The following ACADS variants were observed in gnomAD, a reference collection of about 807,000 sequenced individuals.
ACADS encodes the protein short-chain specific acyl-CoA dehydrogenase, mitochondrial.
A neutral mutation model predicts 46.8 loss-of-function variants in ACADS; 28 were observed. That is an observed-to-expected ratio of 0.60 (90% CI 0.44 to 0.82). ACADS has a LOEUF of 0.82. Ranked by LOEUF, ACADS falls within the 40% of genes least tolerant of loss-of-function variation. The pLI, the probability that ACADS is intolerant of heterozygous loss-of-function variation, is 0.00. For missense variants in ACADS, 528 were observed against 578.0 expected (o/e 0.91, Z 0.89); for synonymous variants, 236 against 237.7 (o/e 0.99, Z 0.07).
intron 5 of ACADS, 76 bp from the exon 6 acceptor site, chr12:120,738,204 G>T (rs780473466): frequency 6.2e-7 from 1 of 1,609,536 alleles, no homozygotes; most frequent in Non-Finnish European, 8.5e-7. Context: ...GAGGGGACCG[G>T]GTTGGTGTTG....
intron 2 of ACADS, among the ~76,000 whole-genome samples, chr12:120,729,982 T>C (rs901296017): frequency 6.6e-6 from 1 of 152,168 alleles, no homozygotes; most frequent in Non-Finnish European, 1.5e-5. Flanking sequence ...CTTTATTTTT[T>C]AAATTATTTT....
intron 2 of ACADS, among the ~76,000 whole-genome samples, chr12:120,734,117 G>T (rs1184892449): frequency 2.0e-5 from 3 of 152,166 alleles, no homozygotes; most frequent in Non-Finnish European, 2.9e-5. Context: ...GTCTGTGTCT[G>T]TCTTTGCCTT....
chr12:120,734,912 T>C (rs2136946232), intron 2 of ACADS, among the ~76,000 whole-genome samples: 2 of 150,752 alleles, frequency 1.3e-5, no homozygotes, highest in East Asian at 4.1e-4. Flanking sequence ...CCACCATGCC[T>C]GGCTAGTTTT....
chr12:120,738,643 G>C lies in ACADS; in HGVS notation c.906G>C (p.Ala302=), dbSNP rs763162492. The C allele has an allele frequency of 6.2e-7, 1 of 1,612,642 alleles. No homozygotes were observed. The highest frequency in any genetic ancestry group is 1.3e-5 in the African/African-American group (1 of 75,070). The change falls in exon 7 of 10, where the codon GCG becomes GCC. Residue 302 remains alanine (A), a synonymous_variant. Transcript: ENST00000242592. ...CTGAGAATCGCATGGCCTTCGGGGCGCCCCTCACCAAGCTCCAGGTCATCC... is the reference window on the plus strand; with the variant it reads ...CTGAGAATCGCATGGCCTTCGGGGCCCCCCTCACCAAGCTCCAGGTCATCC... ...NYAENRMAFG[A]PLTKLQVIQF... is the part of the protein sequence containing the mutation.
Position 120,725,906 on chromosome 12 carries a change from C to CCGGGCCT in ACADS, c.28_34dup (p.Pro12LeufsTer11). The stretch of plus-strand genomic sequence containing the variant: ...CGCCCATGGCCGCCGCGCTGCTCGC[C>CCGGGCCT]CGGGCCTCGGGCCCTGCCCGCAGAG... On this transcript the variant is annotated frameshift_variant, in exon 1 of 10. Coordinates refer to ENST00000242592, the MANE Select transcript of ACADS (RefSeq NM_000017.4). LOFTEE classifies it high-confidence loss of function. 6.4e-7 allele frequency: 1 copy of CCGGGCCT among 1,557,354 alleles called. No homozygotes were observed. Among genetic ancestry groups the CCGGGCCT allele is most frequent in the Non-Finnish European group, 8.6e-7 (1 of 1,160,958 alleles).
chr12:120,727,034 C>T lies in ACADS; in HGVS notation c.55C>T (p.Pro19Ser). The T allele has an allele frequency of 6.2e-7, 1 of 1,614,174 alleles. No homozygotes were observed. The highest frequency in any genetic ancestry group is 8.5e-7 in the Non-Finnish European group (1 of 1,180,028). Residue 19 changes from proline (P) to serine (S), a missense_variant, in exon 2 of 10, where the codon CCT (proline) becomes TCT (serine). Transcript: ENST00000242592. ...TCTGCCCTTGCCGGCAGCTCTCTGT[C>T]CTAGGGCCTGGCGGCAGTTACACAC... Reference protein sequence around the residue: ...ASGPARRALCPRAWRQLHTIY... With the variant: ...ASGPARRALCSRAWRQLHTIY...
At chr12:120,736,129 A>G (rs708783) in intron 2 of ACADS, among the ~76,000 whole-genome samples, 89,987 of 151,696 alleles carry the variant, frequency 0.59, 29,506 homozygotes, top group African/African-American at 0.89. Context: ...ACTCACCTGA[A>G]AGTAATAATA....
chr12:120,738,562 C>T lies in ACADS; in HGVS notation c.825C>T (p.Ile275=), dbSNP rs200652158. 56 of 1,611,642 alleles carry T rather than the reference C, an allele frequency of 3.5e-5. No individual in the cohort carries two copies. In the Admixed American group the frequency reaches 5.3e-4, roughly 15 times the overall value. ...CCCTGGACATGGGCCGCATCGGCAT[C>T]GCCTCCCAGGCCCTGGGCATTGCCC... ...MQTLDMGRIG[I]ASQALGIAQT... is the part of the protein sequence containing the mutation. Residue 275 remains isoleucine (I), a synonymous_variant, in exon 7 of 10, where the codon ATC becomes ATT. Transcript: ENST00000242592.
Position 120,738,921 on chromosome 12 carries a change from C to T in ACADS, c.1029+6C>T. The T allele has an allele frequency of 1.2e-6, 2 of 1,613,366 alleles. No individual in the cohort carries two copies. The highest frequency in any genetic ancestry group is 4.5e-5 in the East Asian group (2 of 44,882). On this transcript the variant is annotated splice_donor_region_variant and intron_variant, in intron 8 of 9. Transcript: ENST00000242592. Reference sequence around the variant, plus strand: ...ACAAGAAGCCTTTCATCAAGGTGCCCACAGGGGTCCCCGAGCCATGGCCCA... The same window carrying T: ...ACAAGAAGCCTTTCATCAAGGTGCCTACAGGGGTCCCCGAGCCATGGCCCA...
intron 2 of ACADS, among the ~76,000 whole-genome samples, chr12:120,731,082 A>C (rs980562170): frequency 2.6e-5 from 4 of 152,222 alleles, no homozygotes; most frequent in Admixed American, 2.6e-4. Context: ...CTCCTGCAGT[A>C]GCTGGGACCA....
chr12:120,725,910 G>A lies in ACADS; in HGVS notation c.25G>A (p.Ala9Thr), dbSNP rs977099936. The A allele has an allele frequency of 6.4e-7, 1 of 1,557,160 alleles. No individual in the cohort carries two copies. The highest frequency in any genetic ancestry group is 8.6e-7 in the Non-Finnish European group (1 of 1,160,932). The change falls in exon 1 of 10, where the codon GCC (alanine) becomes ACC (threonine). Residue 9 changes from alanine to threonine, a missense_variant. Ala to Thr is a moderately conservative substitution (Grantham distance 58). Coordinates refer to ENST00000242592, the MANE Select transcript of ACADS (RefSeq NM_000017.4). MAAALLAR[A>T]SGPARRALCP... ...CATGGCCGCCGCGCTGCTCGCCCGGGCCTCGGGCCCTGCCCGCAGAGGTGA... is the reference window on the plus strand; with the variant it reads ...CATGGCCGCCGCGCTGCTCGCCCGGACCTCGGGCCCTGCCCGCAGAGGTGA...
chr12:120,738,483 C>T (rs1202331965), intron 6 of ACADS, 33 bp downstream of exon 6: 5 of 1,606,142 alleles, frequency 3.1e-6, no homozygotes, highest in Non-Finnish European at 4.2e-6. Context: ...CACCTTGAGG[C>T]CAGGCCCGCG....
intron 2 of ACADS, among the ~76,000 whole-genome samples, chr12:120,727,508 C>T (rs563623992): frequency 6.6e-6 from 1 of 152,352 alleles, no homozygotes; most frequent in African/African-American, 2.4e-5. Context: ...ATCTGTTCCT[C>T]ACAACGGTCC....
intron 2 of ACADS, among the ~76,000 whole-genome samples, chr12:120,735,895 TCACAAAATAA>T (rs1316361181): frequency 7.3e-6 from 1 of 137,840 alleles, no homozygotes; most frequent in Non-Finnish European, 1.6e-5. Context: ...CAATACTCTG[TCACAAAATAA>T]AATAAAATAA....
At position 120,739,438 on chromosome 12, in the gene ACADS, A is replaced by G. The variant is rs1414997272; in HGVS notation, c.1229A>G (p.Tyr410Cys). Residue 410 changes from tyrosine to cysteine, a missense_variant, in exon 10 of 10, where the codon TAC becomes TGC. Tyr to Cys is a radical substitution (Grantham distance 194). Coordinates refer to ENST00000242592, the MANE Select transcript of ACADS (RefSeq NM_000017.4). ...LVIAGHLLRSYRS is the reference protein window; with the variant it reads ...LVIAGHLLRSCRS ...ATCGCCGGGCATCTGCTCAGGAGCT[A>G]CCGGAGCTGAGCCCGCGGCGGACTG... The G allele has an allele frequency of 2.5e-6, 4 of 1,609,910 alleles. No homozygotes were observed. The highest frequency in any genetic ancestry group is 2.2e-5 in the East Asian group (1 of 44,862).
At position 120,725,872 on chromosome 12, in the gene ACADS, T is replaced by C. The variant is rs1286477329; in HGVS notation, c.-14T>C. On this transcript the variant is annotated 5_prime_UTR_variant, in exon 1 of 10. Coordinates refer to ENST00000242592, the MANE Select transcript of ACADS (RefSeq NM_000017.4). ...AGCGGGAGGTCGCGAAGCCTGGGAC[T>C]GTGTCTGTCGCCCATGGCCGCCGCG... The C allele has an allele frequency of 1.3e-6, 2 of 1,547,598 alleles. No individual in the cohort carries two copies. Among genetic ancestry groups the C allele is most frequent in the African/African-American group, 2.8e-5 (2 of 71,966 alleles).
intron 5 of ACADS, 24 bp from the exon 6 acceptor site, chr12:120,738,256 A>C: frequency 6.2e-7 from 1 of 1,613,908 alleles, no homozygotes; most frequent in South Asian, 1.1e-5. Flanking sequence ...CAGCTCTGAG[A>C]AAACCACCCG....
chr12:120,726,575 C>A (rs1332943863), intron 1 of ACADS, among the ~76,000 whole-genome samples: 1 of 152,192 alleles, frequency 6.6e-6, no homozygotes, highest in Non-Finnish European at 1.5e-5. Flanking sequence ...TTTCGCACTC[C>A]GAGGAGCGGA....
intron 2 of ACADS, among the ~76,000 whole-genome samples, chr12:120,732,152 A>G (rs1883266367): frequency 1.3e-5 from 2 of 152,178 alleles, no homozygotes; most frequent in Admixed American, 1.3e-4. Context: ...GCTGTTGGGT[A>G]CACCTCCCAG....
Sources: gnomAD v4.1 joint callset for allele counts (sites outside exome capture counted in the v4.1 genomes callset) on GRCh38, gnomAD v4.1.1 for gene constraint, MANE v1.5 for transcripts, NCBI Gene and HGNC (gene_info 2026-07-23, HGNC 2026-07-21) for gene names.